The following GPC5 variants were observed in gnomAD, a reference collection of about 807,000 sequenced individuals.
GPC5 encodes glypican-5.
GPC5 carries 47 observed loss-of-function variants against 53.9 expected under a neutral mutation model. That is an observed-to-expected ratio of 0.87 (90% CI 0.69 to 1.11). The LOEUF is 1.11. GPC5 is among the 50% of genes most tolerant of loss of function. GPC5 has a pLI of 0.00. For missense variants in GPC5, 748 were observed against 713.1 expected (o/e 1.05, Z -0.56); for synonymous variants, 286 against 263.3 (o/e 1.09, Z -0.84).
intron 7 of GPC5, among the ~76,000 whole-genome samples, chr13:92,375,493 T>C (rs929199438): frequency 6.6e-6 from 1 of 152,184 alleles, no homozygotes; most frequent in Admixed American, 6.5e-5. Flanking sequence ...TCATGGAGAA[T>C]AGAAGCTGGA....
intron 5 of GPC5, among the ~76,000 whole-genome samples, chr13:91,887,094 A>G (rs1177570257): frequency 2.6e-5 from 4 of 152,100 alleles, no homozygotes; most frequent in Non-Finnish European, 5.9e-5. Flanking sequence ...TTCTGCCTGG[A>G]CATCCAGGTG....
chr13:92,251,455 G>A (rs2042692195), intron 7 of GPC5, among the ~76,000 whole-genome samples: 1 of 152,094 alleles, frequency 6.6e-6, no homozygotes, highest in Non-Finnish European at 1.5e-5. Context: ...GGGTTTGTGG[G>A]AGCTGTCTTC....
chr13:92,754,863 T>C (rs1423015370), intron 7 of GPC5, among the ~76,000 whole-genome samples: 1 of 144,958 alleles, frequency 6.9e-6, no homozygotes, highest in Admixed American at 7.1e-5. Flanking sequence ...AGACTTAGAC[T>C]CCCACACATT....
chr13:92,401,263 T>C (rs923481262), intron 7 of GPC5, among the ~76,000 whole-genome samples: 5 of 152,014 alleles, frequency 3.3e-5, no homozygotes, highest in Admixed American at 1.3e-4. Flanking sequence ...ATGGAAATGA[T>C]AGAAGTCTTT....
chr13:91,399,787 T>A (rs1196808777), intron 1 of GPC5, among the ~76,000 whole-genome samples: 1 of 152,094 alleles, frequency 6.6e-6, no homozygotes, highest in Admixed American at 6.5e-5. Context: ...CAAGCCCTGC[T>A]TGGAGGAAAC....
At chr13:92,299,882 T>G (rs1309245027) in intron 7 of GPC5, among the ~76,000 whole-genome samples, 1 of 152,180 alleles carries the variant, frequency 6.6e-6, no homozygotes, top group African/African-American at 2.4e-5. Context: ...ATTGTATCAT[T>G]TTTACAATAT....
chr13:92,472,492 G>A (rs1397700549), intron 7 of GPC5, among the ~76,000 whole-genome samples: 2 of 152,030 alleles, frequency 1.3e-5, no homozygotes, highest in African/African-American at 4.8e-5. Context: ...AATCTCTTAG[G>A]GCATTCTATT....
chr13:92,575,259 A>G (rs980995123), intron 7 of GPC5, among the ~76,000 whole-genome samples: 1 of 152,182 alleles, frequency 6.6e-6, no homozygotes, highest in Non-Finnish European at 1.5e-5. Context: ...AATTAAGTTA[A>G]TAAGCTCAAA....
chr13:92,857,086 CAG>C (rs879762625), intron 7 of GPC5, among the ~76,000 whole-genome samples: 1 of 152,002 alleles, frequency 6.6e-6, no homozygotes, highest in Non-Finnish European at 1.5e-5. Context: ...TACAAGGCTA[CAG>C]TAACAAAAAC....
chr13:92,852,022 T>A (rs150102272), intron 7 of GPC5, among the ~76,000 whole-genome samples: 5 of 150,974 alleles, frequency 3.3e-5, no homozygotes, highest in South Asian at 2.1e-4. Flanking sequence ...AGAAAAAAAA[T>A]TTATTCCTCG....
chr13:91,534,375 A>C (rs1037636022), intron 2 of GPC5, among the ~76,000 whole-genome samples: 1 of 152,186 alleles, frequency 6.6e-6, no homozygotes, highest in Non-Finnish European at 1.5e-5. Flanking sequence ...AAATCTAGCC[A>C]AGTTAATTCT....
intron 7 of GPC5, among the ~76,000 whole-genome samples, chr13:92,749,436 G>GA (rs1371732052): frequency 3.3e-5 from 5 of 151,634 alleles, no homozygotes; most frequent in East Asian, 3.9e-4. Context: ...AGTTCATCCG[G>GA]AAAAAAAAGT....
At chr13:91,646,424 T>A (rs4773643) in intron 2 of GPC5, among the ~76,000 whole-genome samples, 42,245 of 151,796 alleles carry the variant, frequency 0.28, 8,762 homozygotes, top group African/African-American at 0.58. Flanking sequence ...GTATAATTTA[T>A]ACATCAGAAA....
intron 6 of GPC5, among the ~76,000 whole-genome samples, chr13:92,005,706 A>G (rs1489685925): frequency 6.6e-6 from 1 of 152,204 alleles, no homozygotes; most frequent in East Asian, 1.9e-4. Flanking sequence ...TCACTGCTAT[A>G]TCTCCCTGCA....
intron 2 of GPC5, among the ~76,000 whole-genome samples, chr13:91,689,197 ATATATATATATAT>A (rs2035693714): frequency 9.8e-6 from 1 of 102,024 alleles, no homozygotes; most frequent in Non-Finnish European, 1.9e-5. Flanking sequence ...ATATATATAT[ATATATATATATAT>A]ATATATATAT....
intron 7 of GPC5, among the ~76,000 whole-genome samples, chr13:92,174,783 T>A (rs2042097878): frequency 6.6e-6 from 1 of 152,180 alleles, no homozygotes; most frequent in African/African-American, 2.4e-5. Flanking sequence ...TCATAGAATT[T>A]AAAATGTTAT....
intron 1 of GPC5, among the ~76,000 whole-genome samples, chr13:91,430,427 G>A (rs1393747487): frequency 6.6e-6 from 1 of 152,174 alleles, no homozygotes; most frequent in Non-Finnish European, 1.5e-5. Flanking sequence ...AGCCAATAAA[G>A]TCAATAAAAT....
intron 2 of GPC5, among the ~76,000 whole-genome samples, chr13:91,656,531 T>G (rs564892786): frequency 1.3e-5 from 2 of 152,246 alleles, no homozygotes; most frequent in East Asian, 3.9e-4. Flanking sequence ...GACTTTAGCA[T>G]AAAGTAAGAT....
At chr13:91,571,371 C>G (rs1426007290) in intron 2 of GPC5, among the ~76,000 whole-genome samples, 2 of 152,046 alleles carry the variant, frequency 1.3e-5, no homozygotes, top group African/African-American at 4.8e-5. Flanking sequence ...AAGATCTGGT[C>G]ATTAACAGAG....
Sources: gnomAD v4.1 joint callset for allele counts (sites outside exome capture counted in the v4.1 genomes callset) on GRCh38, gnomAD v4.1.1 for gene constraint, MANE v1.5 for transcripts, NCBI Gene and HGNC (gene_info 2026-07-23, HGNC 2026-07-21) for gene names.